Variants in PICALM observed in about 807,000 individuals in gnomAD.
PICALM encodes the protein phosphatidylinositol-binding clathrin assembly protein.
A neutral mutation model predicts 80.5 loss-of-function variants in PICALM; 40 were observed. The observed-to-expected ratio is 0.50, with a 90% CI of 0.39 to 0.65. The LOEUF (loss-of-function observed/expected upper bound fraction) is 0.65, where lower values mean the gene tolerates loss of function less well. Ranked by LOEUF, PICALM falls within the 30% of genes least tolerant of loss-of-function variation. PICALM has a pLI of 0.00. For missense variants in PICALM, 676 were observed against 778.9 expected (o/e 0.87, Z 1.57); for synonymous variants, 288 against 260.3 (o/e 1.11, Z -1.02).
intron 1 of PICALM, among the ~76,000 whole-genome samples, chr11:86,032,364 G>A (rs146397290): frequency 6.6e-6 from 1 of 152,298 alleles, no homozygotes; most frequent in African/African-American, 2.4e-5. Context: ...GCTCACCCCT[G>A]TAATCCCAGT....
intron 19 of PICALM, among the ~76,000 whole-genome samples, chr11:85,965,819 T>TG (rs1378518303): frequency 9.7e-6 from 1 of 102,768 alleles, no homozygotes; most frequent in Non-Finnish European, 2.0e-5. Context: ...TTTTTTGTTT[T>TG]TTTTTTTTTT....
In PICALM at chr11:86,003,455, C is replaced by T. The variant is rs965873953; in HGVS notation, c.808-4G>A. 1 of 1,544,730 alleles carries T rather than the reference C, an allele frequency of 6.5e-7. No individual in the cohort carries two copies. Among genetic ancestry groups the T allele is most frequent in the East Asian group, 2.3e-5 (1 of 44,066 alleles). ...CATCAAGAAGACTGCTAGGGGCCTG[C>T]AATTGTACAAATATTAAGAATTTCA... On this transcript the variant is annotated splice_region_variant and splice_polypyrimidine_tract_variant and intron_variant, in intron 8 of 19. Coordinates refer to ENST00000393346, the MANE Select transcript of PICALM (RefSeq NM_007166.4).
rs561413383 is a variant in PICALM at position 85,979,960 on chromosome 11, C to T, written c.1779+1169G>A. Among the ~76,000 whole-genome samples the T allele has an allele frequency of 6.6e-5, 10 of 152,252 alleles. No individual in the cohort carries two copies. The South Asian group carries it at 2.1e-3, about 32-fold the overall frequency. On this transcript the variant is annotated intron_variant, in intron 17 of 19. Coordinates refer to ENST00000393346, the MANE Select transcript of PICALM (RefSeq NM_007166.4). Reference sequence around the variant, plus strand: ...CAGAGCTATTCTGGGTCTACCATACCTTACAGTAATTAAAACATACTAAAA... The same window carrying T: ...CAGAGCTATTCTGGGTCTACCATACTTTACAGTAATTAAAACATACTAAAA...
chr11:86,033,285 T>C (rs1387154373), intron 1 of PICALM, among the ~76,000 whole-genome samples: 1 of 152,186 alleles, frequency 6.6e-6, no homozygotes, highest in African/African-American at 2.4e-5. Context: ...TGTGTATATA[T>C]ATATACTGTA....
chr11:86,052,380 G>A (rs72965157), intron 1 of PICALM, among the ~76,000 whole-genome samples: 24,725 of 152,146 alleles, frequency 0.16, 2,568 homozygotes, highest in Middle Eastern at 0.24. Flanking sequence ...AGCAGCACGA[G>A]AATAGACTAA....
intron 13 of PICALM, among the ~76,000 whole-genome samples, chr11:85,988,515 T>G (rs1317301414): frequency 1.3e-5 from 2 of 151,510 alleles, no homozygotes; most frequent in East Asian, 3.9e-4. Context: ...ACAAGGCACA[T>G]AAAGGAAGTA....
rs781232352 is a variant in PICALM at position 86,000,696 on chromosome 11, C to A, written c.1101G>T (p.Gly367=). Reference sequence around the variant, plus strand: ...TGTCAATGGCTGGTGCAGTCATTATCCCTCCTGCTGAGGTGGATACAGGAG... The same window carrying A: ...TGTCAATGGCTGGTGCAGTCATTATACCTCCTGCTGAGGTGGATACAGGAG... ...AASPVSTSAG[G]IMTAPAIDIF... Residue 367 remains glycine, a synonymous_variant, in exon 11 of 20, where the codon GGG becomes GGT. Transcript: ENST00000393346. 5 of 1,612,482 alleles carry A rather than the reference C, an allele frequency of 3.1e-6. No homozygotes were observed. The Admixed American group carries it at 8.3e-5, about 27-fold the overall frequency.
intron 1 of PICALM, among the ~76,000 whole-genome samples, chr11:86,068,120 C>G (rs2509609): frequency 0.82 from 124,599 of 152,208 alleles, 51,202 homozygotes; most frequent in African/African-American, 0.89. Context: ...AAGGGATGGG[C>G]GAAGCAGCTA....
chr11:86,052,123 G>A (rs1264740838), intron 1 of PICALM, among the ~76,000 whole-genome samples: 1 of 152,166 alleles, frequency 6.6e-6, no homozygotes, highest in East Asian at 1.9e-4. Flanking sequence ...GACAGGACCA[G>A]GTGGAGATAA....
At chr11:86,053,138 A>G (rs1170797504) in intron 1 of PICALM, among the ~76,000 whole-genome samples, 2 of 152,202 alleles carry the variant, frequency 1.3e-5, no homozygotes, top group South Asian at 2.1e-4. Flanking sequence ...GTGTTTCACA[A>G]TAATCTCAAC....
At chr11:86,047,588 A>G (rs116359632) in intron 1 of PICALM, among the ~76,000 whole-genome samples, 244 of 152,348 alleles carry the variant, frequency 1.6e-3, no homozygotes, top group African/African-American at 5.5e-3. Flanking sequence ...GCAATTTTCC[A>G]GTCATCTTTT....
At chr11:86,016,596 T>A (rs1250908654) in intron 4 of PICALM, among the ~76,000 whole-genome samples, 1 of 152,228 alleles carries the variant, frequency 6.6e-6, no homozygotes, top group Non-Finnish European at 1.5e-5. Context: ...AAATTCACTA[T>A]CCTGGCTGAG....
chr11:86,046,388 T>C lies in PICALM; in HGVS notation c.131-14777A>G, dbSNP rs191907224. On this transcript the variant is annotated intron_variant, in intron 1 of 19. Coordinates refer to ENST00000393346, the MANE Select transcript of PICALM (RefSeq NM_007166.4). ...AGTTTCCATTTCAACATTTAAAAAA[T>C]AGGACTAATACTTAATTTTCACAAC... is the stretch of plus-strand genomic sequence containing the variant. Among the ~76,000 whole-genome samples the C allele has an allele frequency of 5.9e-5, 9 of 152,344 alleles. No individual in the cohort carries two copies. In the East Asian group the frequency reaches 7.7e-4, roughly 13 times the overall value.
At chr11:86,025,772 T>C (rs1196405317) in intron 3 of PICALM, among the ~76,000 whole-genome samples, 1 of 152,062 alleles carries the variant, frequency 6.6e-6, no homozygotes, top group Non-Finnish European at 1.5e-5. Flanking sequence ...TTGGCCAGGC[T>C]GGTCTTGAAC....
At chr11:86,037,656 G>A (rs1476202291) in intron 1 of PICALM, among the ~76,000 whole-genome samples, 4 of 151,084 alleles carry the variant, frequency 2.6e-5, no homozygotes, top group South Asian at 2.1e-4. Flanking sequence ...CTGTGATCAC[G>A]ACATTGCACT....
chr11:85,976,068 C>T (rs2094271845), intron 18 of PICALM, among the ~76,000 whole-genome samples: 1 of 152,166 alleles, frequency 6.6e-6, no homozygotes, highest in Non-Finnish European at 1.5e-5. Flanking sequence ...CAAATACATA[C>T]CAGTGGGTTG....
chr11:86,061,165 C>T (rs1267282071), intron 1 of PICALM, among the ~76,000 whole-genome samples: 6 of 151,706 alleles, frequency 4.0e-5, no homozygotes, highest in Non-Finnish European at 8.8e-5. Flanking sequence ...GCCATCTCTA[C>T]TAAAAATACA....
intron 19 of PICALM, chr11:85,960,688 T>A: frequency 7.7e-7 from 1 of 1,303,832 alleles, no homozygotes; most frequent in Non-Finnish European, 1.0e-6. Context: ...AAGTGATTTA[T>A]AAGAAATCCT....
At chr11:85,994,348 T>G (rs1452485465) in intron 12 of PICALM, among the ~76,000 whole-genome samples, 1 of 152,200 alleles carries the variant, frequency 6.6e-6, no homozygotes, top group Admixed American at 6.5e-5. Context: ...AGAGAGCTTG[T>G]GTTCTCCCAT....
Sources: gnomAD v4.1 joint callset for allele counts (sites outside exome capture counted in the v4.1 genomes callset) on GRCh38, gnomAD v4.1.1 for gene constraint, MANE v1.5 for transcripts, NCBI Gene and HGNC (gene_info 2026-07-23, HGNC 2026-07-21) for gene names.